The following GALNT13 variants were observed in gnomAD, a reference collection of about 807,000 sequenced individuals.
GALNT13 encodes UDP-GalNAc:polypeptide N-acetylgalactosaminyltransferase 13.
A neutral mutation model predicts 64.2 loss-of-function variants in GALNT13; 28 were observed. The ratio of observed to expected loss-of-function variants is 0.44; its 90% CI spans 0.32 to 0.60. The LOEUF (loss-of-function observed/expected upper bound fraction) is 0.60, where lower values mean the gene tolerates loss of function less well. Ranked by LOEUF, GALNT13 falls within the 20% of genes least tolerant of loss-of-function variation. The pLI is 0.05. For synonymous variants in GALNT13, 214 were observed against 224.6 expected (o/e 0.95, Z 0.42); for missense variants, 577 against 669.8 (o/e 0.86, Z 1.53).
chr2:153,343,585 C>T, the GALNT13 span, among the ~76,000 whole-genome samples: 1 of 152,092 alleles, frequency 6.6e-6, no homozygotes, highest in Non-Finnish European at 1.5e-5. Context: ...GAATTCCACA[C>T]ATAAAAATAG....
intron 9 of GALNT13, among the ~76,000 whole-genome samples, chr2:154,357,112 G>A (rs2105274212): frequency 6.6e-6 from 1 of 152,020 alleles, no homozygotes; most frequent in African/African-American, 2.4e-5. Context: ...CCTCCTGCTT[G>A]CAATATAGTT....
intron 3 of GALNT13, among the ~76,000 whole-genome samples, chr2:154,037,871 T>C (rs868859024): frequency 3.5e-4 from 54 of 152,236 alleles, no homozygotes; most frequent in Non-Finnish European, 5.3e-4. Flanking sequence ...TATTGTAAGA[T>C]GACTAGGCAC....
intron 9 of GALNT13, among the ~76,000 whole-genome samples, chr2:154,381,743 A>G (rs1467161751): frequency 6.6e-6 from 1 of 152,080 alleles, no homozygotes; most frequent in Non-Finnish European, 1.5e-5. Context: ...GTGAAAGGTC[A>G]TTTTCTAATG....
chr2:153,154,288 C>A, the GALNT13 span, among the ~76,000 whole-genome samples: 163 of 152,280 alleles, frequency 1.1e-3, 1 homozygote, highest in African/African-American at 3.7e-3. Flanking sequence ...TTCCCCTGCA[C>A]ATGCTGTCTT....
chr2:154,378,162 A>G (rs1698089339), intron 9 of GALNT13, among the ~76,000 whole-genome samples: 1 of 152,132 alleles, frequency 6.6e-6, no homozygotes, highest in Non-Finnish European at 1.5e-5. Flanking sequence ...TCTGTAAAGG[A>G]AACACACCAC....
chr2:154,088,132 G>A (rs1701625000), intron 3 of GALNT13, among the ~76,000 whole-genome samples: 1 of 152,052 alleles, frequency 6.6e-6, no homozygotes. Context: ...GTGGCTACAG[G>A]CTGTGTCTCA....
the GALNT13 span, among the ~76,000 whole-genome samples, chr2:153,432,873 CA>C: frequency 6.6e-6 from 1 of 152,072 alleles, no homozygotes; most frequent in Non-Finnish European, 1.5e-5. Context: ...GTCCATCAAA[CA>C]GAATGATTTG....
At chr2:153,395,849 A>G in the GALNT13 span, among the ~76,000 whole-genome samples, 1 of 152,130 alleles carries the variant, frequency 6.6e-6, no homozygotes, top group African/African-American at 2.4e-5. Context: ...TGTGTGTAAG[A>G]AGGCAGATAG....
intron 3 of GALNT13, among the ~76,000 whole-genome samples, chr2:154,005,432 C>T (rs780353700): frequency 1.4e-4 from 21 of 152,104 alleles, no homozygotes; most frequent in Non-Finnish European, 2.6e-4. Flanking sequence ...AAAAATTCTT[C>T]ACTACATAAT....
chr2:153,565,870 CTGTT>C, the GALNT13 span, among the ~76,000 whole-genome samples: 2 of 151,854 alleles, frequency 1.3e-5, no homozygotes, highest in East Asian at 1.9e-4. Flanking sequence ...ATTCCTCCCT[CTGTT>C]TGGTTTATTA....
the GALNT13 span, among the ~76,000 whole-genome samples, chr2:153,244,454 A>C: frequency 6.6e-6 from 1 of 152,164 alleles, no homozygotes; most frequent in Non-Finnish European, 1.5e-5. Context: ...CTGAGGTACC[A>C]AGTTTATCTC....
chr2:153,176,265 AG>A, the GALNT13 span, among the ~76,000 whole-genome samples: 3 of 152,172 alleles, frequency 2.0e-5, no homozygotes, highest in Non-Finnish European at 4.4e-5. Context: ...TCTAGTGATT[AG>A]ACCCTTAGCC....
chr2:153,356,302 AT>A, the GALNT13 span, among the ~76,000 whole-genome samples: 1 of 152,230 alleles, frequency 6.6e-6, no homozygotes, highest in Non-Finnish European at 1.5e-5. Flanking sequence ...AAAACTTGAC[AT>A]TGTTAAAGGT....
chr2:153,609,212 G>GGCCA, the GALNT13 span, among the ~76,000 whole-genome samples: 2 of 151,864 alleles, frequency 1.3e-5, no homozygotes, highest in Non-Finnish European at 2.9e-5. Flanking sequence ...TATAGGCATG[G>GGCCA]GCCACCATGG....
chr2:153,765,761 CT>C, the GALNT13 span, among the ~76,000 whole-genome samples: 1 of 152,078 alleles, frequency 6.6e-6, no homozygotes, highest in Non-Finnish European at 1.5e-5. Context: ...TAATAATCCC[CT>C]CATGTCCAGG....
chr2:154,027,168 A>G (rs994528520), intron 3 of GALNT13, among the ~76,000 whole-genome samples: 2 of 152,112 alleles, frequency 1.3e-5, no homozygotes, highest in East Asian at 1.9e-4. Context: ...TCAGATCCCA[A>G]TCTTTTGCTC....
At chr2:154,323,784 C>A (rs1015338879) in intron 9 of GALNT13, among the ~76,000 whole-genome samples, 3 of 147,676 alleles carry the variant, frequency 2.0e-5, no homozygotes, top group Non-Finnish European at 4.6e-5. Context: ...TGTGTTCAGG[C>A]ACTATTCTAG....
At chr2:154,253,069 A>G (rs934246582) in intron 7 of GALNT13, among the ~76,000 whole-genome samples, 1 of 152,192 alleles carries the variant, frequency 6.6e-6, no homozygotes, top group Non-Finnish European at 1.5e-5. Context: ...AATGTATACT[A>G]TAAGCTTTGT....
intron 11 of GALNT13, among the ~76,000 whole-genome samples, chr2:154,427,562 A>G (rs1433744809): frequency 6.6e-6 from 1 of 152,188 alleles, no homozygotes; most frequent in African/African-American, 2.4e-5. Flanking sequence ...ATATTGTTAT[A>G]TTGAGGTGAA....
Sources: gnomAD v4.1 joint callset for allele counts (sites outside exome capture counted in the v4.1 genomes callset) on GRCh38, gnomAD v4.1.1 for gene constraint, MANE v1.5 for transcripts, NCBI Gene and HGNC (gene_info 2026-07-23, HGNC 2026-07-21) for gene names.